The following GRIA1 variants were observed in gnomAD, a reference collection of about 807,000 sequenced individuals.
The protein encoded by GRIA1 is glutamate ionotropic receptor AMPA type subunit 1, also known as glutamate receptor 1.
GRIA1 carries 31 observed loss-of-function variants against 99.2 expected under a neutral mutation model. That is an observed-to-expected ratio of 0.31 (90% CI 0.23 to 0.42). The LOEUF is 0.42. GRIA1 is among the 10% of genes least tolerant of loss of function. The pLI, the probability that GRIA1 is intolerant of heterozygous loss-of-function variation, is 1.00. For missense variants in GRIA1, 782 were observed against 1,157.5 expected (o/e 0.68, Z 4.71); for synonymous variants, 438 against 432.4 (o/e 1.01, Z -0.16).
intron 8 of GRIA1, among the ~76,000 whole-genome samples, chr5:153,691,336 T>C (rs1757735195): frequency 6.6e-6 from 1 of 152,148 alleles, no homozygotes; most frequent in Non-Finnish European, 1.5e-5. Context: ...TTAGGGAAAA[T>C]TATCTTACAT....
At chr5:153,661,631 A>G (rs1213334294) in intron 5 of GRIA1, among the ~76,000 whole-genome samples, 1 of 152,198 alleles carries the variant, frequency 6.6e-6, no homozygotes, top group Non-Finnish European at 1.5e-5. Flanking sequence ...TGGCGAAGTG[A>G]GTTGCACATA....
intron 5 of GRIA1, among the ~76,000 whole-genome samples, chr5:153,673,126 C>T (rs1051522123): frequency 2.0e-5 from 3 of 152,334 alleles, no homozygotes; most frequent in African/African-American, 4.8e-5. Context: ...CACAATCACA[C>T]CAGCCTCCTT....
At chr5:153,799,274 T>C (rs1329521152) in intron 14 of GRIA1, among the ~76,000 whole-genome samples, 1 of 152,216 alleles carries the variant, frequency 6.6e-6, no homozygotes, top group Admixed American at 6.5e-5. Context: ...GCCTCTTTTA[T>C]GGACACTGCA....
intron 2 of GRIA1, among the ~76,000 whole-genome samples, chr5:153,600,422 G>A (rs1336553004): frequency 6.2e-4 from 31 of 49,770 alleles, no homozygotes; most frequent in Admixed American, 2.2e-3. Context: ...AAAAAGTATG[G>A]AGTTTGTAAG....
At chr5:153,641,941 T>C (rs1339107626) in intron 2 of GRIA1, among the ~76,000 whole-genome samples, 6 of 152,196 alleles carry the variant, frequency 3.9e-5, no homozygotes, top group African/African-American at 1.4e-4. Flanking sequence ...TACCACTGTA[T>C]CTCCATTGCC....
intron 13 of GRIA1, among the ~76,000 whole-genome samples, chr5:153,782,141 C>A (rs1429199046): frequency 6.6e-6 from 1 of 152,146 alleles, no homozygotes; most frequent in Non-Finnish European, 1.5e-5. Context: ...ATATGCATTT[C>A]CTAATTTATG....
At chr5:153,783,721 C>T (rs968366066) in intron 13 of GRIA1, among the ~76,000 whole-genome samples, 1 of 152,232 alleles carries the variant, frequency 6.6e-6, no homozygotes, top group African/African-American at 2.4e-5. Context: ...CTTCATTCAA[C>T]AAACATTTAT....
At chr5:153,492,262 A>G in intron 1 of GRIA1, 2 of 1,535,380 alleles carry the variant, frequency 1.3e-6, no homozygotes, top group Non-Finnish European at 1.7e-6. Flanking sequence ...GTGGCCATGG[A>G]GTAACTTGCT....
At chr5:153,536,992 T>C (rs1758638237) in intron 2 of GRIA1, among the ~76,000 whole-genome samples, 1 of 152,194 alleles carries the variant, frequency 6.6e-6, no homozygotes, top group Admixed American at 6.5e-5. Flanking sequence ...CTCAGTTTCC[T>C]CAACCATAAA....
chr5:153,649,781 C>T (rs1754420500), intron 3 of GRIA1, among the ~76,000 whole-genome samples: 1 of 152,112 alleles, frequency 6.6e-6, no homozygotes, highest in African/African-American at 2.4e-5. Context: ...ACATATTAAA[C>T]ACCTACTGTG....
At position 153,769,342 on chromosome 5, in the gene GRIA1, G is replaced by A. The variant is rs182711193; in HGVS notation, c.2023-826G>A. Among the ~76,000 whole-genome samples the A allele has an allele frequency of 2.5e-3, 376 of 152,208 alleles. 8 individuals carry two copies. The South Asian group carries it at 0.057, about 23-fold the overall frequency. The stretch of plus-strand genomic sequence containing the variant: ...CTAGGGAATATGCATTTTTACAATC[G>A]ATGTACATGATAATGGTGCCTACTA... On this transcript the variant is annotated intron_variant, in intron 12 of 15. Transcript: ENST00000285900.
chr5:153,628,070 G>T (rs1767807120), intron 2 of GRIA1, among the ~76,000 whole-genome samples: 1 of 152,196 alleles, frequency 6.6e-6, no homozygotes, highest in South Asian at 2.1e-4. Context: ...GTGAAGGGAG[G>T]ATCAGACATA....
rs149981760 is a variant in GRIA1, at chr5:153,712,437, T to C, written c.1823+6370T>C. Reference sequence around the variant, plus strand: ...CCAATAACCAACGATAGCCTGACCTTTGCATTCACATACAAGTTTCATAGT... The same window carrying C: ...CCAATAACCAACGATAGCCTGACCTCTGCATTCACATACAAGTTTCATAGT... On this transcript the variant is annotated intron_variant, in intron 11 of 15. Coordinates refer to ENST00000285900, the MANE Select transcript of GRIA1 (RefSeq NM_000827.4). 9.8e-3 allele frequency among the ~76,000 whole-genome samples: 1,498 copies of C among 152,320 alleles called. 20 individuals are homozygous for C. The highest frequency in any genetic ancestry group is 0.034 in the African/African-American group (1,408 of 41,564).
At chr5:153,605,855 A>T (rs962022069) in intron 2 of GRIA1, among the ~76,000 whole-genome samples, 1 of 152,096 alleles carries the variant, frequency 6.6e-6, no homozygotes, top group African/African-American at 2.4e-5. Flanking sequence ...CCTTCAGTCA[A>T]ATGTGTATGT....
rs114403933 is a variant in GRIA1, at chr5:153,496,551, G to A, written c.220+2486G>A. 6.8e-3 allele frequency among the ~76,000 whole-genome samples: 1,037 copies of A among 152,296 alleles called. 10 individuals carry two copies. The highest frequency in any genetic ancestry group is 0.023 in the African/African-American group (943 of 41,556). On this transcript the variant is annotated intron_variant, in intron 2 of 15. Transcript: ENST00000285900. ...TCTTTAGCTCCCAGATCCCAAAGGG[G>A]GTACTGGGCAAGTTAGGTGGAAATG...
chr5:153,622,110 T>C (rs539570202), intron 2 of GRIA1, among the ~76,000 whole-genome samples: 1 of 152,178 alleles, frequency 6.6e-6, no homozygotes, highest in Non-Finnish European at 1.5e-5. Flanking sequence ...TCTGGGAATA[T>C]GTTAGAAATG....
chr5:153,574,884 C>A (rs1355826490), intron 2 of GRIA1, among the ~76,000 whole-genome samples: 2 of 152,024 alleles, frequency 1.3e-5, no homozygotes, highest in Admixed American at 6.6e-5. Context: ...CTAGATAATC[C>A]CTAAGGTCCC....
In GRIA1 at chr5:153,665,827, A is replaced by G. The variant is rs577734790; in HGVS notation, c.700-8673A>G. Among the ~76,000 whole-genome samples the G allele has an allele frequency of 3.3e-5, 5 of 152,340 alleles. No individual in the cohort carries two copies. The South Asian group carries it at 1.0e-3, about 32-fold the overall frequency. On this transcript the variant is annotated intron_variant, in intron 5 of 15. Transcript: ENST00000285900. ...ACTATGGTGGAAAAGAGAGGGTGGG[A>G]TTTAGGACCACATCTTTCTGCCTTT... is the stretch of plus-strand genomic sequence containing the variant.
Position 153,647,059 on chromosome 5 carries a change from T to A in GRIA1, c.352T>A (p.Ser118Thr). The A allele has an allele frequency of 6.2e-7, 1 of 1,613,968 alleles. No homozygotes were observed. The highest frequency in any genetic ancestry group is 2.2e-5 in the East Asian group (1 of 44,858). Residue 118 changes from serine to threonine, a missense_variant, in exon 3 of 16, where the codon TCC becomes ACC. This residue lies in a region of GRIA1 where 461 missense variants were observed against 521.7 expected (regional missense o/e 0.88). Coordinates refer to ENST00000285900, the MANE Select transcript of GRIA1 (RefSeq NM_000827.4). ...FITPSFPVDT[S>T]NQFVLQLRPE... ...TACGCCGAGCTTTCCCGTTGATACA[T>A]CCAATCAGTTTGTCCTTCAGCTGCG...
Sources: allele counts gnomAD v4.1 joint callset (sites outside exome capture counted in the v4.1 genomes callset), GRCh38; gene constraint gnomAD v4.1.1; regional missense constraint gnomAD v4.1.1; transcripts MANE v1.5; gene names NCBI Gene and HGNC (gene_info 2026-07-23, HGNC 2026-07-21).